Variants in RLF observed in about 807,000 individuals in gnomAD.
RLF encodes zinc finger protein Rlf.
Under a neutral mutation model 162.9 loss-of-function variants are expected in RLF, and 7 were observed. That is an observed-to-expected ratio of 0.04 (90% confidence interval 0.02 to 0.08). The LOEUF (loss-of-function observed/expected upper bound fraction) is 0.08. Ranked by LOEUF, RLF falls within the 10% of genes least tolerant of loss-of-function variation. The probability of loss-of-function intolerance (pLI) is 1.00; values close to 1 mark genes in which losing one functional copy is unlikely to be tolerated. For missense variants in RLF, 1,664 were observed against 2,244.7 expected, an observed-to-expected ratio of 0.74 and a Z score of 5.23; for synonymous variants, 782 against 791.5, an observed-to-expected ratio of 0.99 and a Z score of 0.20.
intron 1 of RLF, among the ~76,000 whole-genome samples, chr1:40,179,144 A>G (rs1330413315): frequency 6.6e-6 from 1 of 152,190 alleles, no homozygotes; most frequent in Non-Finnish European, 1.5e-5. Flanking sequence ...CTTTACCACC[A>G]TATTTAAAAA....
intron 6 of RLF, among the ~76,000 whole-genome samples, chr1:40,223,173 A>G (rs1263916254): frequency 6.6e-6 from 1 of 152,190 alleles, no homozygotes; most frequent in Non-Finnish European, 1.5e-5. Context: ...ATATAGTTGA[A>G]TTGCATTATT....
intron 4 of RLF, among the ~76,000 whole-genome samples, chr1:40,196,374 C>T (rs1407587406): frequency 6.6e-6 from 1 of 151,630 alleles, no homozygotes; most frequent in Non-Finnish European, 1.5e-5. Context: ...GCCCGGTCTG[C>T]TTATACCTTT....
intron 5 of RLF, among the ~76,000 whole-genome samples, chr1:40,217,182 A>C (rs1642935566): frequency 6.6e-6 from 1 of 151,954 alleles, no homozygotes; most frequent in Admixed American, 6.6e-5. Context: ...ACTCTTACTT[A>C]AGGCTGGGTA....
Position 40,236,837 on chromosome 1 carries a change from G to A in RLF, c.2135G>A (p.Arg712Lys). The A allele has an allele frequency of 6.2e-7, 1 of 1,614,132 alleles. No homozygotes were observed. The highest frequency in any genetic ancestry group is 1.1e-5 in the South Asian group (1 of 91,078). Reference protein sequence around the residue: ...NAKHYLDMKNRREKCTYCRRH... With the variant: ...NAKHYLDMKNKREKCTYCRRH... ...AAGCACTACTTGGATATGAAAAATA[G>A]AAGAGAGAAGTGTACTTACTGTCGA... Residue 712 changes from arginine (R) to lysine (K), a missense_variant, in exon 8 of 8, where the codon AGA (arginine) becomes AAA (lysine). Physicochemically the swap from Arg to Lys is conservative, Grantham distance 26 (BLOSUM62 2). This residue lies in a region of RLF where 69 missense variants were observed against 206.4 expected (regional missense o/e 0.33). Transcript: ENST00000372771. The surrounding 1 kb of genome is among the most constrained non-coding windows in gnomAD (Gnocchi z 7.7).
chr1:40,172,013 ATTAT>A (rs1642252338), intron 1 of RLF, among the ~76,000 whole-genome samples: 2 of 152,168 alleles, frequency 1.3e-5, no homozygotes, highest in South Asian at 4.1e-4. Context: ...AAACCTGCTT[ATTAT>A]TGTAGACATC....
intron 6 of RLF, among the ~76,000 whole-genome samples, chr1:40,224,387 C>T (rs1272377415): frequency 6.8e-6 from 1 of 147,694 alleles, no homozygotes; most frequent in Non-Finnish European, 1.5e-5. Flanking sequence ...TGGCTCACTG[C>T]AACCTCCGCC....
chr1:40,214,437 AT>A (rs1642898533), intron 5 of RLF, among the ~76,000 whole-genome samples: 1 of 152,220 alleles, frequency 6.6e-6, no homozygotes. Context: ...AGCTGGTAAT[AT>A]GCCTGTCAGG....
intron 4 of RLF, among the ~76,000 whole-genome samples, chr1:40,199,121 C>G (rs569633518): frequency 6.6e-6 from 1 of 152,284 alleles, no homozygotes; most frequent in Non-Finnish European, 1.5e-5. Context: ...ATTACACATA[C>G]CCAAGACCAT....
chr1:40,221,917 A>AAAAAAAAAAAAC (rs1486982312), intron 5 of RLF, among the ~76,000 whole-genome samples: 1 of 150,284 alleles, frequency 6.7e-6, no homozygotes, highest in Non-Finnish European at 1.5e-5. Flanking sequence ...AAAAAAAAAA[A>AAAAAAAAAAAAC]AGAGAAAGGA....
chr1:40,234,811 AAG>A (rs1187503562), intron 7 of RLF, among the ~76,000 whole-genome samples: 2 of 152,198 alleles, frequency 1.3e-5, no homozygotes, highest in Admixed American at 6.5e-5. Flanking sequence ...CTCAGATAAA[AAG>A]AGTTATCTTG....
chr1:40,195,548 C>T (rs1642623963), intron 3 of RLF, 84 bp from the exon 4 acceptor site: 5 of 1,078,626 alleles, frequency 4.6e-6, no homozygotes, highest in Non-Finnish European at 5.2e-6. Context: ...TCTTTCAATT[C>T]CTAGGTGTAT....
intron 5 of RLF, among the ~76,000 whole-genome samples, chr1:40,205,242 C>T (rs1642774540): frequency 1.3e-5 from 2 of 151,612 alleles, no homozygotes; most frequent in African/African-American, 4.9e-5. Flanking sequence ...TTGCTTGAGC[C>T]CGGGAATTGC....
intron 3 of RLF, among the ~76,000 whole-genome samples, chr1:40,195,311 C>T (rs895297017): frequency 1.3e-5 from 2 of 151,736 alleles, no homozygotes; most frequent in Admixed American, 6.6e-5. Flanking sequence ...TAGCTGGGCG[C>T]GGTGACAGAC....
At position 40,236,705 on chromosome 1, in the gene RLF, G is replaced by A. The variant is rs35189918; in HGVS notation, c.2003G>A (p.Arg668Lys). Reference protein sequence around the residue: ...SKLEDCHLQDRDLYPCPGTDC... With the variant: ...SKLEDCHLQDKDLYPCPGTDC... ...TTAGAAGATTGCCACCTGCAAGACA[G>A]AGATTTGTATCCATGTCCCGGTACA... Residue 668 changes from arginine (R) to lysine (K), a missense_variant, in exon 8 of 8, where the codon AGA becomes AAA. This residue lies in a region of RLF where 69 missense variants were observed against 206.4 expected (regional missense o/e 0.33). Coordinates refer to ENST00000372771, the MANE Select transcript of RLF (RefSeq NM_012421.4). This position sits in a 1 kb window ranked among gnomAD's most constrained non-coding sequence, Gnocchi z 7.7. The A allele has an allele frequency of 1.4e-5, 23 of 1,614,084 alleles. No individual in the cohort carries two copies. The African/African-American group carries it at 2.0e-4, about 14-fold the overall frequency.
intron 1 of RLF, among the ~76,000 whole-genome samples, chr1:40,181,776 A>G (rs1642407405): frequency 6.6e-6 from 1 of 152,206 alleles, no homozygotes; most frequent in East Asian, 1.9e-4. Flanking sequence ...TGTAACACCA[A>G]TAATAGGAAT....
At chr1:40,189,772 A>G (rs1349708557) in intron 2 of RLF, among the ~76,000 whole-genome samples, 1 of 152,070 alleles carries the variant, frequency 6.6e-6, no homozygotes, top group South Asian at 2.1e-4. Context: ...ACTGCACTCC[A>G]GCCTGGGTGG....
chr1:40,166,067 A>G (rs894421724), intron 1 of RLF, among the ~76,000 whole-genome samples: 14 of 152,262 alleles, frequency 9.2e-5, no homozygotes, highest in East Asian at 1.9e-4. Context: ...AATGCATTCT[A>G]TTAGCTTCCA....
chr1:40,211,179 C>T (rs1331991791), intron 5 of RLF, among the ~76,000 whole-genome samples: 1 of 152,228 alleles, frequency 6.6e-6, no homozygotes, highest in Non-Finnish European at 1.5e-5. Context: ...TATTTGCTAA[C>T]CTCTGCTCTA....
chr1:40,201,395 G>A (rs1221051937), intron 4 of RLF, among the ~76,000 whole-genome samples: 2 of 151,870 alleles, frequency 1.3e-5, no homozygotes, highest in Non-Finnish European at 2.9e-5. Context: ...GGAGGCCAAG[G>A]CGGGTGGATC....
Sources: allele counts gnomAD v4.1 joint callset (sites outside exome capture counted in the v4.1 genomes callset), GRCh38; gene constraint gnomAD v4.1.1; regional missense constraint gnomAD v4.1.1; non-coding constraint Gnocchi (gnomAD v3.1); transcripts MANE v1.5; gene names NCBI Gene and HGNC (gene_info 2026-07-23, HGNC 2026-07-21).